The following CNMD variants were observed in gnomAD, a reference collection of about 807,000 sequenced individuals.
CNMD encodes leukocyte cell-derived chemotaxin 1.
CNMD carries 30 observed loss-of-function variants against 37.5 expected under a neutral mutation model. The ratio of observed to expected loss-of-function variants is 0.80; its 90% CI spans 0.60 to 1.09. The LOEUF (loss-of-function observed/expected upper bound fraction) is 1.09. Ranked by LOEUF, CNMD falls within the 50% of genes least tolerant of loss-of-function variation. The pLI, the probability that CNMD is intolerant of heterozygous loss-of-function variation, is 0.00. For missense variants in CNMD, 398 were observed against 423.9 expected, an observed-to-expected ratio of 0.94 and a Z score of 0.54; for synonymous variants, 167 against 148.2, an observed-to-expected ratio of 1.13 and a Z score of -0.92.
In CNMD at chr13:52,739,344, T is replaced by G; in HGVS notation, c.73-173A>C. ...GCCGCGCTCCCTCCCGAGGGTCCTTTGCAGTCGGGCGTGGAAGTGGGATGA... is the reference window on the plus strand; with the variant it reads ...GCCGCGCTCCCTCCCGAGGGTCCTTGGCAGTCGGGCGTGGAAGTGGGATGA... On this transcript the variant is annotated intron_variant, in intron 1 of 6. Coordinates refer to ENST00000377962, the MANE Select transcript of CNMD (RefSeq NM_007015.3). The surrounding 1 kb of genome is among the most constrained non-coding windows in gnomAD (Gnocchi z 5.4). 4 of 802,028 alleles carry G rather than the reference T, an allele frequency of 5.0e-6. No individual in the cohort carries two copies. The highest frequency in any genetic ancestry group is 7.5e-6 in the Non-Finnish European group (4 of 532,716). The allele number at this position is 802,028 out of a possible 1,614,324, so 49.7% of individuals were successfully genotyped here. A position where few individuals can be genotyped will look rare whatever the true frequency, so the allele number is the denominator to read the frequency against.
At chr13:52,732,579 G>T (rs979522052) in intron 3 of CNMD, among the ~76,000 whole-genome samples, 3 of 152,172 alleles carry the variant, frequency 2.0e-5, no homozygotes, top group Admixed American at 6.5e-5. Context: ...TTTGCTCATG[G>T]TCATTTTCTG....
At chr13:52,728,765 C>G (rs1177901477) in intron 3 of CNMD, among the ~76,000 whole-genome samples, 5 of 152,124 alleles carry the variant, frequency 3.3e-5, no homozygotes, top group Non-Finnish European at 7.4e-5. Flanking sequence ...CTGAATGATT[C>G]GCAGCACTGA....
At chr13:52,734,014 CA>C (rs1964717438) in intron 2 of CNMD, among the ~76,000 whole-genome samples, 1 of 152,156 alleles carries the variant, frequency 6.6e-6, no homozygotes, top group South Asian at 2.1e-4. Flanking sequence ...TGTTTCAGCT[CA>C]AAATGGTAGT....
chr13:52,704,985 G>A (rs1355957602), intron 6 of CNMD, among the ~76,000 whole-genome samples: 1 of 152,038 alleles, frequency 6.6e-6, no homozygotes, highest in East Asian at 1.9e-4. Context: ...CCTGAACCAG[G>A]AGGTGGAGGT....
chr13:52,708,642 G>C lies in CNMD; in HGVS notation c.683C>G (p.Pro228Arg). Residue 228 changes from proline to arginine, a missense_variant, in exon 6 of 7, where the codon CCA becomes CGA. Coordinates refer to ENST00000377962, the MANE Select transcript of CNMD (RefSeq NM_007015.3). The part of the protein sequence containing the change: ...RKIVPTTTKR[P>R]HSGPRSNPGA... ...TGGGTTGCTCCGTGGTCCACTGTGT[G>C]GTCTTTTTGTGGTAGTTGGAACAAT... 1 of 1,612,958 alleles carries C rather than the reference G, an allele frequency of 6.2e-7. No individual in the cohort carries two copies. The highest frequency in any genetic ancestry group is 1.1e-5 in the South Asian group (1 of 90,778).
At chr13:52,724,159 C>T (rs769308591) in intron 3 of CNMD, 49 bp from the exon 4 acceptor site, 150 of 1,381,178 alleles carry the variant, frequency 1.1e-4, no homozygotes, top group Non-Finnish European at 1.5e-4. Flanking sequence ...TTCATTTATT[C>T]GATTTATTGA....
chr13:52,707,385 A>T (rs1293785677), intron 6 of CNMD, among the ~76,000 whole-genome samples: 1 of 111,806 alleles, frequency 8.9e-6, no homozygotes, highest in Admixed American at 1.0e-4. Flanking sequence ...CCTCTAACTG[A>T]AGTGAGAGCC....
Position 52,739,371 on chromosome 13 carries a change from C to A in CNMD, c.73-200G>T. On this transcript the variant is annotated intron_variant, in intron 1 of 6. Coordinates refer to ENST00000377962, the MANE Select transcript of CNMD (RefSeq NM_007015.3). The surrounding 1 kb of genome is among the most constrained non-coding windows in gnomAD (Gnocchi z 5.4). ...CAGTCGGGCGTGGAAGTGGGATGAGCAAACCCCGCAGCACAGGGCCTTCGC... is the reference window on the plus strand; with the variant it reads ...CAGTCGGGCGTGGAAGTGGGATGAGAAAACCCCGCAGCACAGGGCCTTCGC... 1.4e-6 allele frequency: 1 copy of A among 696,162 alleles called. No homozygotes were observed. The allele number at this position is 696,162 out of a possible 1,614,324, so 43.1% of individuals were successfully genotyped here.
intron 4 of CNMD, among the ~76,000 whole-genome samples, chr13:52,718,294 C>A (rs188480966): frequency 2.0e-5 from 3 of 152,124 alleles, no homozygotes; most frequent in African/African-American, 7.2e-5. Context: ...AAAACCAGCT[C>A]CTGGATTCAA....
intron 6 of CNMD, among the ~76,000 whole-genome samples, chr13:52,705,073 T>A (rs368043058): frequency 1.4e-4 from 19 of 135,630 alleles, no homozygotes; most frequent in South Asian, 7.3e-4. Context: ...AAAAAAAAAA[T>A]TTCAAACATA....
intron 3 of CNMD, among the ~76,000 whole-genome samples, chr13:52,730,399 C>T (rs1273250381): frequency 1.3e-5 from 2 of 152,080 alleles, no homozygotes; most frequent in African/African-American, 4.8e-5. Context: ...AATCGCCACA[C>T]TGACTTCCAC....
chr13:52,738,993 C>T (rs754719426), intron 2 of CNMD, 38 bp downstream of exon 2: 1 of 1,524,514 alleles, frequency 6.6e-7, no homozygotes, highest in Admixed American at 2.2e-5. Flanking sequence ...GCACCATGGG[C>T]GACACGGGGG....
At chr13:52,738,369 G>C (rs954294042) in intron 2 of CNMD, among the ~76,000 whole-genome samples, 1 of 152,156 alleles carries the variant, frequency 6.6e-6, no homozygotes, top group Admixed American at 6.5e-5. Context: ...TGCATACAAA[G>C]AAAGTAGGAC....
intron 4 of CNMD, among the ~76,000 whole-genome samples, chr13:52,714,446 C>T (rs1433300683): frequency 6.6e-6 from 1 of 152,166 alleles, no homozygotes; most frequent in Non-Finnish European, 1.5e-5. Context: ...TCATGCATGA[C>T]ATAAACAACT....
At chr13:52,732,975 G>A in intron 3 of CNMD, 1 of 524,814 alleles carries the variant, frequency 1.9e-6, no homozygotes, top group Non-Finnish European at 3.4e-6. Flanking sequence ...TTCAGTAAAG[G>A]TGGTTCTTTT....
intron 5 of CNMD, among the ~76,000 whole-genome samples, chr13:52,710,231 G>A (rs1169400338): frequency 1.3e-5 from 2 of 152,196 alleles, no homozygotes; most frequent in African/African-American, 4.8e-5. Flanking sequence ...AGATAGCATG[G>A]TTGGAGAGGC....
chr13:52,726,884 TAAG>T (rs1485929047), intron 3 of CNMD, among the ~76,000 whole-genome samples: 2 of 152,150 alleles, frequency 1.3e-5, no homozygotes, highest in South Asian at 2.1e-4. Flanking sequence ...AGAAATTTAA[TAAG>T]GAGATGTATA....
At chr13:52,723,810 T>C (rs1029016803) in intron 4 of CNMD, among the ~76,000 whole-genome samples, 187 bp downstream of exon 4, 3 of 152,006 alleles carry the variant, frequency 2.0e-5, no homozygotes, top group African/African-American at 7.3e-5. Context: ...GTCCCTGTAG[T>C]CCCAGCTGCT....
At chr13:52,703,969 C>T (rs7992760) in intron 6 of CNMD, among the ~76,000 whole-genome samples, 159 bp from the exon 7 acceptor site, 151,175 of 152,314 alleles carry the variant, frequency 0.99, 75,023 homozygotes, top group East Asian at 1. Context: ...AATTCATGTT[C>T]ACTGCTGTCA....
Sources: gnomAD v4.1 joint callset for allele counts (sites outside exome capture counted in the v4.1 genomes callset) on GRCh38, gnomAD v4.1.1 for gene constraint, Gnocchi (gnomAD v3.1) non-coding constraint, MANE v1.5 for transcripts, NCBI Gene and HGNC (gene_info 2026-07-23, HGNC 2026-07-21) for gene names.